TTC6: variants seen among roughly 807,000 people sequenced by gnomAD.
TTC6 encodes the protein tetratricopeptide repeat domain 6.
In TTC6, 172 loss-of-function variants were observed where a neutral mutation model predicts 210.4. The observed-to-expected ratio is 0.82, with a 90% confidence interval of 0.72 to 0.93. The LOEUF is 0.93. TTC6 is among the 40% of genes least tolerant of loss of function. The pLI is 0.00. For synonymous variants in TTC6, 804 were observed against 819.6 expected, an observed-to-expected ratio of 0.98 and a Z score of 0.32; for missense variants, 2,414 against 2,318.1, an observed-to-expected ratio of 1.04 and a Z score of -0.85.
At chr14:37,790,689 T>C (rs2096077312) in intron 15 of TTC6, 28 bp from the exon 18 acceptor site, 5 of 1,515,152 alleles carry the variant, frequency 3.3e-6, no homozygotes, top group South Asian at 2.4e-5. Context: ...AGAACCTGAA[T>C]GAAATACATT....
chr14:37,701,427 T>C (rs1253206652), exon 5 of TTC6: 1 of 1,533,000 alleles, frequency 6.5e-7, no homozygotes, highest in Admixed American at 2.0e-5. Context: ...GCTTCTCGAG[T>C]GTATCACACT....
intron 21 of TTC6, 36 bp downstream of exon 23, chr14:37,804,850 AT>A: frequency 6.2e-7 from 1 of 1,605,346 alleles, no homozygotes; most frequent in Non-Finnish European, 8.5e-7. Context: ...ATTATTTGTG[AT>A]TTTAGAGACT....
chr14:37,726,066 C>G (rs779597274), intron 7 of TTC6, among the ~76,000 whole-genome samples: 1 of 152,020 alleles, frequency 6.6e-6, no homozygotes, highest in Non-Finnish European at 1.5e-5. Flanking sequence ...TCTCCTTCTT[C>G]CTCCTCCTCT....
rs539670041 is a variant in TTC6 at position 37,679,908 on chromosome 14, T to C, written c.940-243T>C. Among the ~76,000 whole-genome samples the C allele has an allele frequency of 5.5e-4, 83 of 152,176 alleles. No individual in the cohort carries two copies. In the East Asian group the frequency reaches 0.013, roughly 24 times the overall value. On this transcript the variant is annotated intron_variant, in intron 1 of 30. Coordinates refer to ENST00000553443, the Ensembl canonical transcript of TTC6. Reference sequence around the variant, plus strand: ...TTTCACTATGTTGGTCAGGCTCATCTCAAATTCTTGACCTCAGGTGATCCA... The same window carrying C: ...TTTCACTATGTTGGTCAGGCTCATCCCAAATTCTTGACCTCAGGTGATCCA...
At chr14:37,784,571 A>T (rs926544029) in intron 14 of TTC6, among the ~76,000 whole-genome samples, 1 of 152,078 alleles carries the variant, frequency 6.6e-6, no homozygotes, top group Admixed American at 6.5e-5. Flanking sequence ...CTGACTCCTT[A>T]TCCAATTTGC....
chr14:37,822,951 TAGCACAGTACCTGG>T (rs752935194), intron 26 of TTC6, among the ~76,000 whole-genome samples: 5 of 152,248 alleles, frequency 3.3e-5, no homozygotes, highest in Admixed American at 6.5e-5. Context: ...GTTAAGTATT[TAGCACAGTACCTGG>T]TAAGTAAACA....
chr14:37,724,874 T>C (rs2138831033), intron 6 of TTC6, 24 bp from the exon 9 acceptor site: 1 of 1,376,106 alleles, frequency 7.3e-7, no homozygotes, highest in East Asian at 2.6e-5. Context: ...CCATTTCTAA[T>C]AACCTTTTAT....
At chr14:37,840,835 G>C (rs1299097341) in intron 29 of TTC6, among the ~76,000 whole-genome samples, 1 of 151,380 alleles carries the variant, frequency 6.6e-6, no homozygotes, top group East Asian at 1.9e-4. Flanking sequence ...CTCTATACAG[G>C]GATCTGGGAT....
chr14:37,785,329 T>A (rs1407103528), intron 14 of TTC6, among the ~76,000 whole-genome samples: 7 of 152,204 alleles, frequency 4.6e-5, no homozygotes, highest in African/African-American at 1.7e-4. Flanking sequence ...TTCTTTTTAC[T>A]CTTTTTTCTC....
At chr14:37,751,333 T>A in intron 13 of TTC6, 108 bp downstream of exon 15, 1 of 695,052 alleles carries the variant, frequency 1.4e-6, no homozygotes, top group Non-Finnish European at 2.1e-6. Flanking sequence ...TATTATATAA[T>A]CAAAATTGAT....
chr14:37,739,157 T>G lies in TTC6; in HGVS notation c.2363+2T>G. 6.7e-7 allele frequency: 1 copy of G among 1,488,924 alleles called. No individual in the cohort carries two copies. The highest frequency in any genetic ancestry group is 8.8e-7 in the Non-Finnish European group (1 of 1,131,106). 92.2% of individuals were successfully genotyped at this position (1,488,924 alleles called of 1,614,324 possible). A position where few individuals can be genotyped will look rare whatever the true frequency, so the allele number is the denominator to read the frequency against. Reference sequence around the variant, plus strand: ...CAAGCCTCCAAAATCTCTTGAAAGGTCTTGTTTAAGTGATTTTCTTATAGT... The same window carrying G: ...CAAGCCTCCAAAATCTCTTGAAAGGGCTTGTTTAAGTGATTTTCTTATAGT... On this transcript the variant is annotated splice_donor_variant, in intron 10 of 30. Transcript: ENST00000553443. LOFTEE classifies it high-confidence loss of function.
chr14:37,659,349 G>A (rs972836965), intron 1 of TTC6, among the ~76,000 whole-genome samples: 1 of 152,006 alleles, frequency 6.6e-6, no homozygotes, highest in African/African-American at 2.4e-5. Context: ...AGCTCTTTGA[G>A]GAATTGCCAC....
chr14:37,617,250 G>A (rs1156797790), upstream of TTC6, among the ~76,000 whole-genome samples: 1 of 152,146 alleles, frequency 6.6e-6, no homozygotes, highest in Non-Finnish European at 1.5e-5. Flanking sequence ...GTGGGGAGAA[G>A]AAAAACGCAG....
Position 37,752,997 on chromosome 14 carries a change from A to C in TTC6, c.3130-102A>C, listed in dbSNP as rs561646034. ...TGACATCTTCAGATGGTTTGCTTTT[A>C]TTAACCCGAAGTTAAAAACATAGTT... On this transcript the variant is annotated intron_variant, in intron 13 of 30. Transcript: ENST00000553443. The C allele has an allele frequency of 3.3e-6, 3 of 913,350 alleles. No homozygotes were observed. The South Asian group carries it at 1.1e-4, about 35-fold the overall frequency. 56.6% of individuals were successfully genotyped at this position (913,350 alleles called of 1,614,324 possible). A position where few individuals can be genotyped will look rare whatever the true frequency, so the allele number is the denominator to read the frequency against.
At chr14:37,679,308 C>G (rs1051541010) in intron 1 of TTC6, among the ~76,000 whole-genome samples, 2 of 152,070 alleles carry the variant, frequency 1.3e-5, no homozygotes, top group African/African-American at 4.8e-5. Flanking sequence ...CTGTTGATGC[C>G]TGATTTGTGG....
chr14:37,831,868 C>A (rs1279007305), intron 29 of TTC6, among the ~76,000 whole-genome samples: 1 of 151,942 alleles, frequency 6.6e-6, no homozygotes, highest in Admixed American at 6.6e-5. Context: ...AATACTTTAT[C>A]CTATTCTGTA....
Position 37,827,192 on chromosome 14 carries a change from G to A in TTC6, c.5128-4G>A. 6.2e-7 allele frequency: 1 copy of A among 1,608,212 alleles called. No individual in the cohort carries two copies. Among genetic ancestry groups the A allele is most frequent in the Non-Finnish European group, 8.5e-7 (1 of 1,176,542 alleles). ...TGTTAAATAATCATAATATTATACTGCAGATCAGTACTACAGCAGAATTCT... is the reference window on the plus strand; with the variant it reads ...TGTTAAATAATCATAATATTATACTACAGATCAGTACTACAGCAGAATTCT... On this transcript the variant is annotated splice_polypyrimidine_tract_variant and splice_region_variant and intron_variant, in intron 28 of 30. Coordinates refer to ENST00000553443, the Ensembl canonical transcript of TTC6.
chr14:37,841,924 A>G (rs975161931), intron 30 of TTC6, among the ~76,000 whole-genome samples: 1 of 152,198 alleles, frequency 6.6e-6, no homozygotes, highest in African/African-American at 2.4e-5. Flanking sequence ...TCAAAGAAAG[A>G]CATTGTACTG....
At chr14:37,789,383 G>T (rs2096074359) in intron 15 of TTC6, among the ~76,000 whole-genome samples, 1 of 151,610 alleles carries the variant, frequency 6.6e-6, no homozygotes, top group East Asian at 1.9e-4. Context: ...AACTGCAGCT[G>T]ATTTTTTAAT....
Sources: allele counts gnomAD v4.1 joint callset (sites outside exome capture counted in the v4.1 genomes callset), GRCh38; gene constraint gnomAD v4.1.1; transcripts MANE v1.5; gene names NCBI Gene and HGNC (gene_info 2026-07-23, HGNC 2026-07-21).